Variants in UBE2D2 observed in about 807,000 individuals in gnomAD.
UBE2D2 encodes ubiquitin-conjugating enzyme E2 D2.
Under a neutral mutation model 24.2 loss-of-function variants are expected in UBE2D2, and 2 were observed. That is an observed-to-expected ratio of 0.08 (90% CI 0.03 to 0.26). The LOEUF (loss-of-function observed/expected upper bound fraction) is 0.26. UBE2D2 is among the 10% of genes least tolerant of loss of function. UBE2D2 has a pLI of 1.00. For missense variants in UBE2D2, 44 were observed against 177.6 expected (o/e 0.25, Z 4.28); for synonymous variants, 58 against 56.5 (o/e 1.03, Z -0.12).
In UBE2D2 at chr5:139,561,714, T is replaced by C; in HGVS notation, c.-78T>C. 2 of 1,200,962 alleles carry C rather than the reference T, an allele frequency of 1.7e-6. No homozygotes were observed. Among genetic ancestry groups the C allele is most frequent in the East Asian group, 6.0e-5 (2 of 33,184 alleles). 74.4% of individuals were successfully genotyped at this position (1,200,962 alleles called of 1,614,324 possible). A position where few individuals can be genotyped will look rare whatever the true frequency, so the allele number is the denominator to read the frequency against. On this transcript the variant is annotated 5_prime_UTR_variant, in exon 1 of 7. Transcript: ENST00000398733. ...GCCGACCGAGATCGCCGAGGCGGCC[T>C]CAGGCTCCCTAGCCCCTTCCCCGTC...
chr5:139,574,728 G>A (rs1753430171), intron 1 of UBE2D2, among the ~76,000 whole-genome samples: 1 of 145,102 alleles, frequency 6.9e-6, no homozygotes, highest in Admixed American at 6.8e-5. Flanking sequence ...AATATCAGGT[G>A]GGGTGGCAAA....
intron 1 of UBE2D2, among the ~76,000 whole-genome samples, chr5:139,575,091 C>A (rs1753438976): frequency 6.6e-6 from 1 of 152,156 alleles, no homozygotes; most frequent in Non-Finnish European, 1.5e-5. Context: ...TGAAACAACC[C>A]TGCCACTTAG....
chr5:139,608,595 A>T (rs1024348934), intron 2 of UBE2D2, among the ~76,000 whole-genome samples: 11 of 148,828 alleles, frequency 7.4e-5, no homozygotes, highest in African/African-American at 1.7e-4. Context: ...TCTCTATTTT[A>T]AAAAAAAAAG....
At chr5:139,551,971 G>T (rs181234049) in intron 1 of UBE2D2, among the ~76,000 whole-genome samples, 95 of 152,248 alleles carry the variant, frequency 6.2e-4, no homozygotes, top group Middle Eastern at 3.4e-3. Flanking sequence ...CTGGTAAGCA[G>T]AACACATCCC....
Position 139,561,433 on chromosome 5 carries a change from A to C in UBE2D2, c.-359A>C. ...AGGCAATCCCTCCGGCTGTCCGACC[A>C]AGAGAGGCCGGCCGAGCCCGAGGCT... On this transcript the variant is annotated 5_prime_UTR_variant, in exon 1 of 7. Coordinates refer to ENST00000398733, the MANE Select transcript of UBE2D2 (RefSeq NM_003339.3). The C allele has an allele frequency of 2.2e-5, 5 of 232,474 alleles. No individual in the cohort carries two copies. The highest frequency in any genetic ancestry group is 8.2e-5 in the East Asian group (1 of 12,124). 14.4% of individuals were successfully genotyped at this position (232,474 alleles called of 1,614,324 possible). A position where few individuals can be genotyped will look rare whatever the true frequency, so the allele number is the denominator to read the frequency against.
At chr5:139,561,922 C>T (rs934431303) in intron 1 of UBE2D2, 107 bp downstream of exon 1, 8 of 1,388,850 alleles carry the variant, frequency 5.8e-6, no homozygotes, top group Non-Finnish European at 7.5e-6. Flanking sequence ...ATCTTGCTGC[C>T]GGTGCTGGCC....
In UBE2D2 at chr5:139,626,890, A is replaced by G. The variant is rs866982409; in HGVS notation, c.*89A>G. On this transcript the variant is annotated 3_prime_UTR_variant, in exon 7 of 7. Coordinates refer to ENST00000398733, the MANE Select transcript of UBE2D2 (RefSeq NM_003339.3). ...TTTGATTTCCATTTGACTGCTTTCT[A>G]TGAGCCCACGCCTCATCTTCCCCTG... 3.4e-5 allele frequency: 38 copies of G among 1,111,596 alleles called. 2 individuals are homozygous for G. In the Middle Eastern group the frequency reaches 1.3e-3, roughly 38 times the overall value. The allele number at this position is 1,111,596 out of a possible 1,614,324, so 68.9% of individuals were successfully genotyped here.
intron 1 of UBE2D2, among the ~76,000 whole-genome samples, chr5:139,566,876 A>T (rs1168622530): frequency 1.3e-5 from 2 of 152,042 alleles, no homozygotes; most frequent in Non-Finnish European, 2.9e-5. Context: ...TCAAAAAAAA[A>T]AGAGAAGCCA....
upstream of UBE2D2, among the ~76,000 whole-genome samples, chr5:139,560,586 C>T (rs1048016399): frequency 1.3e-5 from 2 of 152,198 alleles, no homozygotes; most frequent in African/African-American, 4.8e-5. Flanking sequence ...CCAGCCTCAG[C>T]CTCCCAAAGT....
rs531863273 is a variant in UBE2D2, at chr5:139,575,756, T to C, written c.24+13941T>C. The stretch of plus-strand genomic sequence containing the variant: ...AAACTTTGAAATTAGCTGGGTACAG[T>C]GGCTCATGCCTATAATCTCAGTGCT... On this transcript the variant is annotated intron_variant, in intron 1 of 6. Coordinates refer to ENST00000398733, the MANE Select transcript of UBE2D2 (RefSeq NM_003339.3). Among the ~76,000 whole-genome samples, 57 of 152,362 alleles carry C rather than the reference T, an allele frequency of 3.7e-4. 1 individual carries two copies. The highest frequency in any genetic ancestry group is 1.3e-3 in the African/African-American group (53 of 41,594).
chr5:139,533,016 G>A (rs1476719214), intron 1 of UBE2D2, among the ~76,000 whole-genome samples: 2 of 151,650 alleles, frequency 1.3e-5, no homozygotes, highest in African/African-American at 2.4e-5. Flanking sequence ...GCTGAGGCTG[G>A]AGAATCACTT....
intron 1 of UBE2D2, among the ~76,000 whole-genome samples, chr5:139,591,154 T>C (rs1753839043): frequency 1.4e-5 from 2 of 145,228 alleles, no homozygotes; most frequent in African/African-American, 5.1e-5. Flanking sequence ...GGAGTTTCGC[T>C]GTTGTTGCCC....
chr5:139,616,811 G>T (rs1203344894), intron 5 of UBE2D2, among the ~76,000 whole-genome samples: 1 of 152,150 alleles, frequency 6.6e-6, no homozygotes, highest in Non-Finnish European at 1.5e-5. Flanking sequence ...TTGTGACATT[G>T]TGATTTAGTT....
chr5:139,531,512 C>T (rs1475352199), intron 1 of UBE2D2, among the ~76,000 whole-genome samples: 1 of 151,858 alleles, frequency 6.6e-6, no homozygotes. Flanking sequence ...CTGAATAAAG[C>T]CCTTCTACAA....
intron 1 of UBE2D2, among the ~76,000 whole-genome samples, chr5:139,582,660 A>G (rs1482673657): frequency 2.8e-5 from 4 of 145,390 alleles, no homozygotes; most frequent in African/African-American, 1.0e-4. Context: ...AGCGATTTAG[A>G]TTCGAATTTT....
chr5:139,536,235 G>T (rs1445588346), intron 1 of UBE2D2, among the ~76,000 whole-genome samples: 2 of 152,034 alleles, frequency 1.3e-5, no homozygotes, highest in African/African-American at 4.8e-5. Flanking sequence ...GAGTAGCTGG[G>T]ATTACAGGCA....
At chr5:139,554,189 T>A (rs1041508258) in intron 1 of UBE2D2, among the ~76,000 whole-genome samples, 1 of 152,040 alleles carries the variant, frequency 6.6e-6, no homozygotes, top group Non-Finnish European at 1.5e-5. Context: ...ATTTTTTTTT[T>A]AAAGGCTCAT....
intron 1 of UBE2D2, among the ~76,000 whole-genome samples, chr5:139,530,943 G>A (rs1195027776): frequency 1.3e-5 from 2 of 152,062 alleles, no homozygotes; most frequent in Admixed American, 1.3e-4. Flanking sequence ...AAAAAACTTC[G>A]TTGCCACCTT....
chr5:139,600,324 A>C (rs894106106), intron 1 of UBE2D2, 48 bp from the exon 2 acceptor site: 1 of 1,587,794 alleles, frequency 6.3e-7, no homozygotes, highest in African/African-American at 1.3e-5. Context: ...TAATGGATAA[A>C]AGGTACATTT....
Sources: allele counts gnomAD v4.1 joint callset (sites outside exome capture counted in the v4.1 genomes callset), GRCh38; gene constraint gnomAD v4.1.1; transcripts MANE v1.5; gene names NCBI Gene and HGNC (gene_info 2026-07-23, HGNC 2026-07-21).